The following VAT1L variants were observed in gnomAD, a reference collection of about 807,000 sequenced individuals.
The protein encoded by VAT1L is putative NADPH-dependent quinone oxidoreductase VAT1L.
Under a neutral mutation model 44.1 loss-of-function variants are expected in VAT1L, and 34 were observed. The observed-to-expected ratio is 0.77, with a 90% CI of 0.59 to 1.03. The LOEUF is 1.03. Among genes scored for constraint, VAT1L ranks in the 50% least tolerant of loss-of-function variants. The pLI is 0.00. For synonymous variants in VAT1L, 253 were observed against 202.2 expected (o/e 1.25, Z -2.13); for missense variants, 615 against 538.8 (o/e 1.14, Z -1.40).
intron 7 of VAT1L, among the ~76,000 whole-genome samples, chr16:77,967,143 T>C (rs2142540607): frequency 6.6e-6 from 1 of 152,204 alleles, no homozygotes; most frequent in African/African-American, 2.4e-5. Flanking sequence ...CAAGGTGTTA[T>C]ATGAGAGCAG....
chr16:77,959,962 C>G (rs941913423), intron 7 of VAT1L, among the ~76,000 whole-genome samples: 1 of 152,178 alleles, frequency 6.6e-6, no homozygotes, highest in African/African-American at 2.4e-5. Flanking sequence ...TCACATTCCA[C>G]TTCCTCTGCT....
chr16:77,834,928 G>A (rs772234411), intron 3 of VAT1L, among the ~76,000 whole-genome samples: 5 of 152,188 alleles, frequency 3.3e-5, no homozygotes, highest in Non-Finnish European at 7.3e-5. Flanking sequence ...GAGGGTCTCT[G>A]TGTATGTTAA....
At chr16:77,838,237 C>T (rs55672725) in intron 3 of VAT1L, among the ~76,000 whole-genome samples, 8,224 of 152,280 alleles carry the variant, frequency 0.054, 282 homozygotes, top group East Asian at 0.11. Flanking sequence ...CATCCACTTT[C>T]CCAGTGACAT....
chr16:77,867,309 C>G (rs1043470184), intron 4 of VAT1L, among the ~76,000 whole-genome samples: 1 of 152,022 alleles, frequency 6.6e-6, no homozygotes, highest in Non-Finnish European at 1.5e-5. Context: ...AATCTCTCAC[C>G]AAATTGTACA....
chr16:77,816,944 T>C lies in VAT1L; in HGVS notation c.257T>C (p.Met86Thr), dbSNP rs141730992. The C allele has an allele frequency of 6.2e-7, 1 of 1,613,896 alleles. No homozygotes were observed. The highest frequency in any genetic ancestry group is 1.7e-5 in the Admixed American group (1 of 60,002). ...KACGLNFIDL[M>T]VRQGNIDNPP... Reference sequence around the variant, plus strand: ...AGTGGATTAAACTTCATTGACTTGATGGTGCGACAAGGGAATATTGACAAC... The same window carrying C: ...AGTGGATTAAACTTCATTGACTTGACGGTGCGACAAGGGAATATTGACAAC... The change falls in exon 2 of 9, where the codon ATG (methionine) becomes ACG (threonine). Residue 86 changes from methionine to threonine, a missense_variant. Coordinates refer to ENST00000302536, the MANE Select transcript of VAT1L (RefSeq NM_020927.3).
At chr16:77,905,549 C>T (rs1185063463) in intron 7 of VAT1L, among the ~76,000 whole-genome samples, 1 of 152,132 alleles carries the variant, frequency 6.6e-6, no homozygotes, top group Non-Finnish European at 1.5e-5. Flanking sequence ...TTCTGGTTTC[C>T]ACCTAGCTGC....
intron 7 of VAT1L, among the ~76,000 whole-genome samples, chr16:77,971,165 G>A (rs1462959204): frequency 1.3e-5 from 2 of 152,018 alleles, no homozygotes; most frequent in Non-Finnish European, 2.9e-5. Context: ...CTCAACAGTT[G>A]GAATTCCACA....
At chr16:77,880,349 A>G (rs2017137882) in intron 6 of VAT1L, among the ~76,000 whole-genome samples, 1 of 151,966 alleles carries the variant, frequency 6.6e-6, no homozygotes, top group Admixed American at 6.6e-5. Flanking sequence ...TGGTAGAGAC[A>G]AGGTTTCACC....
intron 7 of VAT1L, among the ~76,000 whole-genome samples, chr16:77,909,919 C>T (rs558286973): frequency 3.3e-5 from 5 of 152,170 alleles, no homozygotes; most frequent in East Asian, 3.9e-4. Context: ...CTCGTAAGAA[C>T]GGCTCCTGCG....
intron 7 of VAT1L, among the ~76,000 whole-genome samples, chr16:77,947,800 G>C (rs1307541135): frequency 6.6e-6 from 1 of 152,198 alleles, no homozygotes; most frequent in South Asian, 2.1e-4. Flanking sequence ...TTGTTGTCCA[G>C]GCTGGAGTTT....
At chr16:77,950,849 CAA>C in intron 7 of VAT1L, among the ~76,000 whole-genome samples, 1 of 152,288 alleles carries the variant, frequency 6.6e-6, no homozygotes, top group African/African-American at 2.4e-5. Flanking sequence ...CTTTCCTATA[CAA>C]ACTGTTTATC....
At chr16:77,791,672 G>A (rs1279268405) in intron 1 of VAT1L, among the ~76,000 whole-genome samples, 1 of 152,156 alleles carries the variant, frequency 6.6e-6, no homozygotes, top group Admixed American at 6.6e-5. Context: ...TTAGCATGCA[G>A]TCTCACTTTC....
At chr16:77,882,344 T>G (rs1258549177) in intron 6 of VAT1L, 4 of 152,338 alleles carry the variant, frequency 2.6e-5, no homozygotes, top group Non-Finnish European at 5.9e-5. Flanking sequence ...TTTCACACCA[T>G]AACGATGATG....
intron 7 of VAT1L, among the ~76,000 whole-genome samples, chr16:77,911,817 G>C (rs1179178338): frequency 6.6e-6 from 1 of 152,212 alleles, no homozygotes; most frequent in Non-Finnish European, 1.5e-5. Context: ...CCCACCTCTG[G>C]CATAGAACTC....
chr16:77,817,188 A>C, intron 2 of VAT1L, 138 bp downstream of exon 2: 1 of 1,329,914 alleles, frequency 7.5e-7, no homozygotes. Context: ...ACTGTTGACA[A>C]TGTTTATAGT....
At chr16:77,838,352 C>T (rs2016662916) in intron 3 of VAT1L, among the ~76,000 whole-genome samples, 1 of 152,172 alleles carries the variant, frequency 6.6e-6, no homozygotes, top group African/African-American at 2.4e-5. Context: ...AGCCTCGTTG[C>T]CTTTGAGGCG....
At chr16:77,798,531 A>G (rs1382992537) in intron 1 of VAT1L, among the ~76,000 whole-genome samples, 2 of 152,194 alleles carry the variant, frequency 1.3e-5, no homozygotes, top group African/African-American at 2.4e-5. Context: ...GAATGAATGA[A>G]TAAATGAAGT....
intron 7 of VAT1L, among the ~76,000 whole-genome samples, chr16:77,968,139 T>C (rs1175542752): frequency 1.3e-5 from 2 of 152,182 alleles, no homozygotes; most frequent in East Asian, 1.9e-4. Flanking sequence ...GAGGCACTTA[T>C]GATCTCCCAG....
chr16:77,936,564 A>G (rs1006828634), intron 7 of VAT1L, among the ~76,000 whole-genome samples: 2 of 152,180 alleles, frequency 1.3e-5, no homozygotes, highest in Non-Finnish European at 2.9e-5. Context: ...GAAGAGTGAG[A>G]AAAATGGGAT....
Sources: gnomAD v4.1 joint callset for allele counts (sites outside exome capture counted in the v4.1 genomes callset) on GRCh38, gnomAD v4.1.1 for gene constraint, MANE v1.5 for transcripts, NCBI Gene and HGNC (gene_info 2026-07-23, HGNC 2026-07-21) for gene names.